Variants in LAMA5 observed in about 807,000 individuals in gnomAD.
LAMA5 encodes the protein laminin subunit alpha 5, also known as laminin subunit alpha-5.
A neutral mutation model predicts 433.4 loss-of-function variants in LAMA5; 260 were observed. The ratio of observed to expected loss-of-function variants is 0.60; its 90% confidence interval spans 0.54 to 0.66. LAMA5 has a LOEUF of 0.66. Among genes scored for constraint, LAMA5 ranks in the 30% least tolerant of loss-of-function variants. The pLI is 0.00. For missense variants in LAMA5, 5,378 were observed against 5,258.5 expected (o/e 1.02, Z -0.70); for synonymous variants, 2,620 against 2,226.6 (o/e 1.18, Z -4.97).
chr20:62,335,317 C>T, intron 18 of LAMA5, 48 bp from the exon 19 acceptor site: 1 of 1,596,432 alleles, frequency 6.3e-7, no homozygotes, highest in Non-Finnish European at 8.6e-7. Context: ...GCAGGAGAGC[C>T]TGGCTCCAGC....
chr20:62,352,174 C>T, intron 4 of LAMA5, 68 bp downstream of exon 4: 1 of 1,577,136 alleles, frequency 6.3e-7, no homozygotes, highest in Admixed American at 1.7e-5. Context: ...CCCCGCTCGG[C>T]ACTGCCCCTC....
At position 62,337,922 on chromosome 20, in the gene LAMA5, A is replaced by G; in HGVS notation, c.1908T>C (p.Pro636=). ...FPNCQACTCD[P]RGALDQLCGA... ...CACAGAGCTGGTCCAGGGCTCCCCG[A>G]GGGTCGCAGGTGCATGCTGCAGAGG... The change falls in exon 15 of 80, where the codon CCT becomes CCC. Residue 636 remains proline (P), a synonymous_variant. Coordinates refer to ENST00000252999, the MANE Select transcript of LAMA5 (RefSeq NM_005560.6). 1 of 1,610,208 alleles carries G rather than the reference A, an allele frequency of 6.2e-7. No homozygotes were observed. The highest frequency in any genetic ancestry group is 8.5e-7 in the Non-Finnish European group (1 of 1,178,760).
intron 11 of LAMA5, 78 bp downstream of exon 11, chr20:62,345,740 T>C: frequency 9.6e-7 from 1 of 1,037,442 alleles, no homozygotes; most frequent in South Asian, 1.5e-5. Context: ...AATCCTCCCT[T>C]TCTCCAGGAA....
chr20:62,328,087 A>C, intron 35 of LAMA5, 77 bp from the exon 36 acceptor site: 2 of 1,579,900 alleles, frequency 1.3e-6, no homozygotes, highest in African/African-American at 1.3e-5. Flanking sequence ...GGCACCCCCC[A>C]CCCAGGCAGC....
In LAMA5 at chr20:62,309,804, C is replaced by T. The variant is rs201591111; in HGVS notation, c.10860G>A (p.Glu3620=). 247 of 1,611,254 alleles carry T rather than the reference C, an allele frequency of 1.5e-4. 3 individuals are homozygous for T. In the East Asian group the frequency reaches 3.8e-3, roughly 25 times the overall value. ...CGGTGTGGTTGCTCTGCGCGTCCAC[C>T]TCCAGCCGGAGCACATTCCCGCTTT... The part of the protein sequence containing the change: ...VMKSGNVLRL[E]VDAQSNHTVG... Residue 3620 remains glutamate (E), a synonymous_variant, in exon 79 of 80, where the codon GAG becomes GAA. Transcript: ENST00000252999.
At chr20:62,333,273 A>T (rs759496403) in intron 25 of LAMA5, 30 bp from the exon 26 acceptor site, 62 of 1,573,252 alleles carry the variant, frequency 3.9e-5, no homozygotes, top group Middle Eastern at 1.7e-4. Context: ...GGTCAGCCCC[A>T]GGTCCACCCA....
At chr20:62,364,158 C>T (rs79301174) in intron 1 of LAMA5, among the ~76,000 whole-genome samples, 8,441 of 152,278 alleles carry the variant, frequency 0.055, 279 homozygotes, top group South Asian at 0.16. Flanking sequence ...TTAAGCGCCA[C>T]GACCCCTACC....
chr20:62,335,634 C>T (rs111321298), intron 18 of LAMA5, among the ~76,000 whole-genome samples: 1 of 145,866 alleles, frequency 6.9e-6, no homozygotes, highest in African/African-American at 2.6e-5. Context: ...AACTCCACAC[C>T]CCAACATTCC....
intron 70 of LAMA5, 32 bp from the exon 71 acceptor site, chr20:62,311,816 T>TGCG: frequency 2.6e-6 from 4 of 1,521,010 alleles, no homozygotes; most frequent in Non-Finnish European, 3.6e-6. Context: ...GCTCGGTTTT[T>TGCG]CCCCACCCTG....
chr20:62,339,657 A>G (rs936406839), intron 11 of LAMA5, among the ~76,000 whole-genome samples: 1 of 152,220 alleles, frequency 6.6e-6, no homozygotes, highest in Non-Finnish European at 1.5e-5. Context: ...AATACTTGTC[A>G]AAAATGTAAG....
Position 62,351,692 on chromosome 20 carries a change from A to AT in LAMA5, c.956+11dup, listed in dbSNP as rs1568974027. The stretch of plus-strand genomic sequence containing the variant: ...CTCACCTGAACGGGGCCTCACCTGA[A>AT]TGGGGCCTCACCTGAACGGGTCCGT... On this transcript the variant is annotated intron_variant, in intron 6 of 79. Coordinates refer to ENST00000252999, the MANE Select transcript of LAMA5 (RefSeq NM_005560.6). 1 of 1,595,784 alleles carries AT rather than the reference A, an allele frequency of 6.3e-7. No individual in the cohort carries two copies. Among genetic ancestry groups the AT allele is most frequent in the South Asian group, 1.1e-5 (1 of 89,258 alleles).
At chr20:62,340,671 G>C (rs1189415166) in intron 11 of LAMA5, among the ~76,000 whole-genome samples, 1 of 152,042 alleles carries the variant, frequency 6.6e-6, no homozygotes, top group Non-Finnish European at 1.5e-5. Context: ...CCTGTCCAAT[G>C]TTCCTGGAAC....
At position 62,330,940 on chromosome 20, in the gene LAMA5, C is replaced by T. The variant is rs200702801; in HGVS notation, c.3655G>A (p.Ala1219Thr). ...TTTGGGAAGCGCGAGGGCAGACAGGCGGCACTGGTGAGAGCACAGTGGGTG... is the reference window on the plus strand; with the variant it reads ...TTTGGGAAGCGCGAGGGCAGACAGGTGGCACTGGTGAGAGCACAGTGGGTG... Reference protein sequence around the residue: ...SHGAFGPNSAACLPSRFPKPP... With the variant: ...SHGAFGPNSATCLPSRFPKPP... Residue 1219 changes from alanine to threonine, a missense_variant, in exon 30 of 80, where the codon GCC becomes ACC. Ala to Thr is a moderately conservative substitution (Grantham distance 58). Coordinates refer to ENST00000252999, the MANE Select transcript of LAMA5 (RefSeq NM_005560.6). The T allele has an allele frequency of 1.3e-3, 2,042 of 1,552,196 alleles. 22 individuals carry two copies. The African/African-American group carries it at 0.024, about 18-fold the overall frequency.
At chr20:62,339,517 T>C (rs1023045415) in intron 11 of LAMA5, among the ~76,000 whole-genome samples, 7 of 152,356 alleles carry the variant, frequency 4.6e-5, no homozygotes. Flanking sequence ...ATTAAAATTA[T>C]AGTTTCTTTA....
At chr20:62,315,862 T>C (rs539043037) in intron 58 of LAMA5, 86 bp downstream of exon 58, 3 of 1,024,374 alleles carry the variant, frequency 2.9e-6, no homozygotes, top group African/African-American at 1.6e-5. Context: ...GCACAGTGAG[T>C]GCTCACCAAC....
chr20:62,346,365 GC>G, intron 9 of LAMA5, 140 bp downstream of exon 9: 1 of 1,352,492 alleles, frequency 7.4e-7, no homozygotes, highest in South Asian at 1.4e-5. Flanking sequence ...CTGGGGACCC[GC>G]CCCGTGGCCT....
chr20:62,354,022 G>T (rs544874176), intron 2 of LAMA5, among the ~76,000 whole-genome samples: 5 of 152,018 alleles, frequency 3.3e-5, no homozygotes, highest in Admixed American at 2.0e-4. Flanking sequence ...GCAGAGGAAA[G>T]CTGCTCCTTC....
chr20:62,320,672 G>A lies in LAMA5; in HGVS notation c.6649-3C>T. 6.2e-7 allele frequency: 1 copy of A among 1,610,730 alleles called. No individual in the cohort carries two copies. The highest frequency in any genetic ancestry group is 1.1e-5 in the South Asian group (1 of 90,924). The stretch of plus-strand genomic sequence containing the variant: ...CCCAGGGGGCTCCGGAGCTGGCTCT[G>A]TGGGAGGCGAAAGGTGAAGGCCTGC... On this transcript the variant is annotated splice_region_variant and splice_polypyrimidine_tract_variant and intron_variant, in intron 49 of 79. Transcript: ENST00000252999.
At chr20:62,349,027 T>C (rs2146293075) in intron 6 of LAMA5, among the ~76,000 whole-genome samples, 1 of 152,098 alleles carries the variant, frequency 6.6e-6, no homozygotes, top group Admixed American at 6.5e-5. Flanking sequence ...CCCAGCACTT[T>C]GGGAGGCCGA....
Sources: gnomAD v4.1 joint callset for allele counts (sites outside exome capture counted in the v4.1 genomes callset) on GRCh38, gnomAD v4.1.1 for gene constraint, MANE v1.5 for transcripts, NCBI Gene and HGNC (gene_info 2026-07-23, HGNC 2026-07-21) for gene names.